The following GRIK3 variants were observed in gnomAD, a reference collection of about 807,000 sequenced individuals.
GRIK3 encodes the protein glutamate ionotropic receptor kainate type subunit 3.
Under a neutral mutation model 102.5 loss-of-function variants are expected in GRIK3, and 29 were observed. The observed-to-expected ratio is 0.28, with a 90% CI of 0.21 to 0.39. The LOEUF is 0.39. GRIK3 is among the 10% of genes least tolerant of loss of function. GRIK3 has a pLI of 1.00. For synonymous variants in GRIK3, 511 were observed against 504.9 expected, an observed-to-expected ratio of 1.01 and a Z score of -0.16; for missense variants, 908 against 1,252.4, an observed-to-expected ratio of 0.73 and a Z score of 4.15.
intron 5 of GRIK3, among the ~76,000 whole-genome samples, chr1:36,861,624 T>C (rs1392744): frequency 0.82 from 125,268 of 152,190 alleles, 53,640 homozygotes; most frequent in Non-Finnish European, 0.94. Context: ...TGGCTTCCTC[T>C]GGTCTCTGAG....
intron 10 of GRIK3, among the ~76,000 whole-genome samples, chr1:36,832,570 C>A (rs1640318610): frequency 6.6e-6 from 1 of 152,206 alleles, no homozygotes; most frequent in South Asian, 2.1e-4. Flanking sequence ...GGGTCAACTA[C>A]TAGTACCTGT....
At chr1:36,964,312 C>A (rs1224565110) in intron 1 of GRIK3, among the ~76,000 whole-genome samples, 2 of 152,166 alleles carry the variant, frequency 1.3e-5, no homozygotes, top group African/African-American at 4.8e-5. Flanking sequence ...GTAGAGGGGG[C>A]CCCTGAGCCC....
At position 36,853,738 on chromosome 1, in the gene GRIK3, G is replaced by A. The variant is rs72913542; in HGVS notation, c.1105-16C>T. ...CCCATTGAGCCTGCGGAGGGGAGAG[G>A]GCAGAGCGGCAATTCCTCGGGCTTA... On this transcript the variant is annotated splice_polypyrimidine_tract_variant and intron_variant, in intron 7 of 15. Transcript: ENST00000373091. 12,233 of 1,394,054 alleles carry A rather than the reference G, an allele frequency of 8.8e-3. 799 individuals carry two copies. The African/African-American group carries it at 0.15, about 17-fold the overall frequency. 86.4% of individuals were successfully genotyped at this position (1,394,054 alleles called of 1,614,324 possible).
At chr1:36,957,139 T>C (rs1363983360) in intron 1 of GRIK3, among the ~76,000 whole-genome samples, 4 of 152,212 alleles carry the variant, frequency 2.6e-5, no homozygotes, top group African/African-American at 7.2e-5. Context: ...CCTCATCAGA[T>C]TGGCTGATTG....
At chr1:36,949,141 C>A (rs1396355213) in intron 1 of GRIK3, among the ~76,000 whole-genome samples, 1 of 152,220 alleles carries the variant, frequency 6.6e-6, no homozygotes, top group Non-Finnish European at 1.5e-5. Flanking sequence ...CCAGGACCTG[C>A]CTGGCTCCAC....
intron 11 of GRIK3, among the ~76,000 whole-genome samples, chr1:36,820,746 C>T (rs552127471): frequency 6.6e-6 from 1 of 152,104 alleles, no homozygotes; most frequent in African/African-American, 2.4e-5. Flanking sequence ...ATCCTATCCC[C>T]CGGAGAGAAC....
chr1:37,029,696 G>A (rs1310994263), intron 1 of GRIK3, among the ~76,000 whole-genome samples: 2 of 152,224 alleles, frequency 1.3e-5, no homozygotes, highest in African/African-American at 4.8e-5. Context: ...CTGTTTCCTG[G>A]GACAGGCACA....
In GRIK3 at chr1:36,858,695, A is replaced by T. The variant is rs145451120; in HGVS notation, c.1104+413T>A. 1.5e-3 allele frequency among the ~76,000 whole-genome samples: 233 copies of T among 152,288 alleles called. 1 individual carries two copies. The highest frequency in any genetic ancestry group is 4.6e-3 in the South Asian group (22 of 4,822). On this transcript the variant is annotated intron_variant, in intron 7 of 15. Coordinates refer to ENST00000373091, the MANE Select transcript of GRIK3 (RefSeq NM_000831.4). ...CTCCTGCACTAAGCACTTTCCACGC[A>T]ATGTCTAACTTCATCTCACATGCCC...
At chr1:36,847,638 CT>C (rs1424494371) in intron 9 of GRIK3, among the ~76,000 whole-genome samples, 1 of 152,190 alleles carries the variant, frequency 6.6e-6, no homozygotes, top group African/African-American at 2.4e-5. Flanking sequence ...CTCTGTGCCA[CT>C]TAATTAATCA....
At chr1:36,837,552 G>A (rs1469270957) in intron 10 of GRIK3, among the ~76,000 whole-genome samples, 1 of 152,134 alleles carries the variant, frequency 6.6e-6, no homozygotes, top group East Asian at 1.9e-4. Flanking sequence ...TACTGGCTCA[G>A]GTTTGGCACA....
At chr1:37,016,567 GC>G (rs2124067638) in intron 1 of GRIK3, among the ~76,000 whole-genome samples, 1 of 152,164 alleles carries the variant, frequency 6.6e-6, no homozygotes, top group East Asian at 1.9e-4. Flanking sequence ...GAAAAAATTG[GC>G]CCTCCTAGTC....
chr1:36,896,928 C>T (rs987893362), intron 1 of GRIK3, among the ~76,000 whole-genome samples: 1 of 152,128 alleles, frequency 6.6e-6, no homozygotes, highest in Non-Finnish European at 1.5e-5. Flanking sequence ...GCAGAAGCAG[C>T]ATTTGACAAA....
At chr1:36,931,008 G>C (rs1162746479) in intron 1 of GRIK3, among the ~76,000 whole-genome samples, 1 of 152,196 alleles carries the variant, frequency 6.6e-6, no homozygotes. Context: ...CATAGTCTCA[G>C]GGACCATGTT....
intron 13 of GRIK3, among the ~76,000 whole-genome samples, chr1:36,813,410 T>G (rs1642584380): frequency 6.6e-6 from 1 of 152,252 alleles, no homozygotes; most frequent in South Asian, 2.1e-4. Flanking sequence ...AGCTGCCTCC[T>G]GTTCAACAGT....
intron 13 of GRIK3, among the ~76,000 whole-genome samples, chr1:36,814,634 C>A (rs1461664341): frequency 4.0e-5 from 6 of 151,424 alleles, no homozygotes; most frequent in Admixed American, 3.9e-4. Context: ...ATGCACAGGC[C>A]ATTATACACA....
intron 1 of GRIK3, among the ~76,000 whole-genome samples, chr1:36,970,333 T>C (rs1180775229): frequency 3.9e-5 from 6 of 152,206 alleles, no homozygotes; most frequent in African/African-American, 9.6e-5. Flanking sequence ...TCAGGCCTCA[T>C]TGCCCTCAGG....
intron 5 of GRIK3, among the ~76,000 whole-genome samples, chr1:36,867,298 C>T (rs1310809087): frequency 6.6e-6 from 1 of 152,166 alleles, no homozygotes; most frequent in African/African-American, 2.4e-5. Flanking sequence ...TGTGGACTGG[C>T]TGAGCATCAG....
chr1:37,024,500 C>T (rs1642747376), intron 1 of GRIK3, among the ~76,000 whole-genome samples: 1 of 145,754 alleles, frequency 6.9e-6, no homozygotes, highest in African/African-American at 2.5e-5. Context: ...AAATACTTTG[C>T]TCTTGGGAGG....
rs536515341 is a variant in GRIK3 at position 36,983,981 on chromosome 1, A to G, written c.115+50013T>C. 2.3e-4 allele frequency among the ~76,000 whole-genome samples: 35 copies of G among 152,150 alleles called. 1 individual carries two copies. The highest frequency in any genetic ancestry group is 2.1e-4 in the South Asian group (1 of 4,832). The stretch of plus-strand genomic sequence containing the variant: ...TAGTACCCAGCAGGGTGACTTTGAC[A>G]CAGAGCAGCACCCAATAAGAATCCA... On this transcript the variant is annotated intron_variant, in intron 1 of 15. Transcript: ENST00000373091.
Sources: gnomAD v4.1 joint callset for allele counts (sites outside exome capture counted in the v4.1 genomes callset) on GRCh38, gnomAD v4.1.1 for gene constraint, MANE v1.5 for transcripts, NCBI Gene and HGNC (gene_info 2026-07-23, HGNC 2026-07-21) for gene names.